Variants in SLCO1B3 observed in about 807,000 individuals in gnomAD.
SLCO1B3 encodes liver-specific organic anion transporter 2.
In SLCO1B3, 72 loss-of-function variants were observed where a neutral mutation model predicts 71.8. The ratio of observed to expected loss-of-function variants is 1.00; its 90% CI spans 0.83 to 1.22. The LOEUF is 1.22. Among genes scored for constraint, SLCO1B3 ranks in the 50% most tolerant of loss-of-function variants. SLCO1B3 has a pLI of 0.00. For synonymous variants in SLCO1B3, 298 were observed against 278.4 expected (o/e 1.07, Z -0.70); for missense variants, 911 against 819.7 (o/e 1.11, Z -1.36).
intron 12 of SLCO1B3, among the ~76,000 whole-genome samples, chr12:20,882,317 C>T (rs2121311425): frequency 6.6e-6 from 1 of 152,178 alleles, no homozygotes; most frequent in Middle Eastern, 3.4e-3. Context: ...TGTGCTTGCT[C>T]CATAAAAGAT....
At chr12:20,879,111 G>A (rs929630810) in intron 10 of SLCO1B3, among the ~76,000 whole-genome samples, 31 of 151,622 alleles carry the variant, frequency 2.0e-4, no homozygotes, top group Admixed American at 5.9e-4. Flanking sequence ...TTGTGAGGAA[G>A]CCAAGCCCTC....
Position 20,855,119 on chromosome 12 carries a change from T to C in SLCO1B3, c.176T>C (p.Phe59Ser), listed in dbSNP as rs778668812. The change falls in exon 4 of 16, where the codon TTT becomes TCT. Residue 59 changes from phenylalanine (F) to serine (S), a missense_variant. Phe to Ser is a radical substitution (Grantham distance 155). Coordinates refer to ENST00000381545, the MANE Select transcript of SLCO1B3 (RefSeq NM_019844.4). ...KISITQIERR[F>S]DISSSLAGLI... Reference sequence around the variant, plus strand: ...TCCATCACTCAAATAGAAAGGAGATTTGACATATCCTCTTCTCTTGCTGGT... The same window carrying C: ...TCCATCACTCAAATAGAAAGGAGATCTGACATATCCTCTTCTCTTGCTGGT... The C allele has an allele frequency of 2.6e-5, 42 of 1,611,806 alleles. No individual in the cohort carries two copies. The highest frequency in any genetic ancestry group is 4.0e-5 in the African/African-American group (3 of 74,864).
intron 3 of SLCO1B3, among the ~76,000 whole-genome samples, chr12:20,832,943 C>CA (rs1414574351): frequency 1.7e-5 from 2 of 115,468 alleles, no homozygotes; most frequent in South Asian, 3.8e-4. Flanking sequence ...ATAAAACAAA[C>CA]AAAAAAAATT....
At chr12:20,864,573 C>A (rs535638809) in intron 8 of SLCO1B3, among the ~76,000 whole-genome samples, 1 of 152,194 alleles carries the variant, frequency 6.6e-6, no homozygotes, top group African/African-American at 2.4e-5. Flanking sequence ...TGTAGCTACA[C>A]GTTATGTACA....
At chr12:20,910,093 T>C (rs1219030413) in intron 15 of SLCO1B3, among the ~76,000 whole-genome samples, 1 of 152,238 alleles carries the variant, frequency 6.6e-6, no homozygotes, top group Non-Finnish European at 1.5e-5. Context: ...AGGAGTTTTA[T>C]AGTTTTGCAT....
At chr12:20,849,275 C>A (rs1306947494) in intron 3 of SLCO1B3, among the ~76,000 whole-genome samples, 1 of 151,818 alleles carries the variant, frequency 6.6e-6, no homozygotes, top group Admixed American at 6.6e-5. Flanking sequence ...ACATGAAACT[C>A]AAAGGAATGC....
rs769780056 is a variant in SLCO1B3 at position 20,875,420 on chromosome 12, A to C, written c.913A>C (p.Arg305=). 2.1e-5 allele frequency: 33 copies of C among 1,608,034 alleles called. No individual in the cohort carries two copies. The South Asian group carries it at 3.7e-4, about 18-fold the overall frequency. ...SLHVLKTNDD[R]NQTANLTNQG... Reference sequence around the variant, plus strand: ...GCATGTGCTGAAAACAAATGATGATAGAAATCAAACAGCTAATTTGACCAA... The same window carrying C: ...GCATGTGCTGAAAACAAATGATGATCGAAATCAAACAGCTAATTTGACCAA... Residue 305 remains arginine, a synonymous_variant, in exon 9 of 16, where the codon AGA becomes CGA. Coordinates refer to ENST00000381545, the MANE Select transcript of SLCO1B3 (RefSeq NM_019844.4).
In SLCO1B3 at chr12:20,812,169, A is replaced by G. The variant is rs551058026; in HGVS notation, c.-180-1355A>G. 5.1e-4 allele frequency among the ~76,000 whole-genome samples: 78 copies of G among 152,190 alleles called. 2 individuals carry two copies. The South Asian group carries it at 0.016, about 31-fold the overall frequency. Reference sequence around the variant, plus strand: ...TGATCTGCCCGCCTCGGCCTCCCAAAGTGCTGGGATTACAGGCATGAGTCA... The same window carrying G: ...TGATCTGCCCGCCTCGGCCTCCCAAGGTGCTGGGATTACAGGCATGAGTCA... On this transcript the variant is annotated intron_variant, in intron 1 of 15. Transcript: ENST00000381545.
chr12:20,843,486 A>T (rs1172297742), intron 3 of SLCO1B3, among the ~76,000 whole-genome samples: 1 of 152,154 alleles, frequency 6.6e-6, no homozygotes, highest in Non-Finnish European at 1.5e-5. Context: ...TTACCTCAAT[A>T]CTTCAAAAGT....
intron 14 of SLCO1B3, 117 bp from the exon 15 acceptor site, chr12:20,901,233 G>A (rs967185077): frequency 1.4e-5 from 10 of 704,618 alleles, no homozygotes; most frequent in Non-Finnish European, 2.2e-5. Flanking sequence ...CAAACCAATG[G>A]AATAATTTTC....
At chr12:20,901,537 T>A in intron 15 of SLCO1B3, 70 bp downstream of exon 15, 1 of 758,080 alleles carries the variant, frequency 1.3e-6, no homozygotes, top group South Asian at 1.9e-5. Flanking sequence ...AGATATAGCA[T>A]TTTTAGTGTG....
At position 20,862,848 on chromosome 12, in the gene SLCO1B3, G is replaced by C. The variant is rs781710106; in HGVS notation, c.721G>C (p.Asp241His). The C allele has an allele frequency of 6.4e-6, 10 of 1,562,474 alleles. No individual in the cohort carries two copies. The highest frequency in any genetic ancestry group is 8.8e-6 in the Non-Finnish European group (10 of 1,133,432). ...AKMYVDIGYV[D>H]LSTIRITPKD... Reference sequence around the variant, plus strand: ...AATGTACGTGGATATTGGATATGTAGATCTGAGTAAGTACAATTAGAACAA... The same window carrying C: ...AATGTACGTGGATATTGGATATGTACATCTGAGTAAGTACAATTAGAACAA... Residue 241 changes from aspartate to histidine, a missense_variant, in exon 8 of 16, where the codon GAT (aspartate) becomes CAT (histidine). By Grantham distance (81) the Asp-to-His change is moderately conservative (BLOSUM62 -1). Coordinates refer to ENST00000381545, the MANE Select transcript of SLCO1B3 (RefSeq NM_019844.4).
intron 3 of SLCO1B3, chr12:20,845,229 G>A (rs886577831): frequency 1.3e-5 from 6 of 453,804 alleles, no homozygotes; most frequent in South Asian, 7.0e-5. Context: ...AGATGGTCTT[G>A]TATGATTCTA....
chr12:20,841,513 A>ATTG lies in SLCO1B3; in HGVS notation c.85-13515_85-13514insTTG, dbSNP rs1565585101. On this transcript the variant is annotated intron_variant, in intron 3 of 15. Coordinates refer to ENST00000381545, the MANE Select transcript of SLCO1B3 (RefSeq NM_019844.4). ...TTCTACCATTGCCTGCCATAATTGC[A>ATTG]CTGTGGCAGATATTGTCTGTACGAT... Among the ~76,000 whole-genome samples, 54 of 69,734 alleles carry ATTG rather than the reference A, an allele frequency of 7.7e-4. No individual in the cohort carries two copies. In the Admixed American group the frequency reaches 9.8e-3, roughly 13 times the overall value. 45.7% of individuals were successfully genotyped at this position (69,734 alleles called of 152,430 possible). A position where few individuals can be genotyped will look rare whatever the true frequency, so the allele number is the denominator to read the frequency against.
At chr12:20,814,034 A>T (rs982931133) in intron 2 of SLCO1B3, among the ~76,000 whole-genome samples, 10 of 152,194 alleles carry the variant, frequency 6.6e-5, no homozygotes, top group African/African-American at 2.4e-4. Context: ...CTATATGAGC[A>T]GCTACATAGC....
chr12:20,819,863 G>A (rs1351972517), intron 3 of SLCO1B3, among the ~76,000 whole-genome samples: 5 of 152,060 alleles, frequency 3.3e-5, no homozygotes. Context: ...GGTTAAGGTG[G>A]GGGAATACAA....
chr12:20,819,303 G>T (rs1864249593), intron 3 of SLCO1B3, among the ~76,000 whole-genome samples: 1 of 152,200 alleles, frequency 6.6e-6, no homozygotes, highest in African/African-American at 2.4e-5. Flanking sequence ...GTTTTTACGA[G>T]AATTATGCCG....
intron 13 of SLCO1B3, among the ~76,000 whole-genome samples, chr12:20,885,250 T>C (rs577222692): frequency 1.3e-5 from 2 of 152,280 alleles, no homozygotes; most frequent in South Asian, 2.1e-4. Flanking sequence ...AACTTCATTT[T>C]ATTAATGATT....
At chr12:20,892,537 C>T (rs1218157670) in intron 13 of SLCO1B3, among the ~76,000 whole-genome samples, 1 of 152,004 alleles carries the variant, frequency 6.6e-6, no homozygotes, top group Non-Finnish European at 1.5e-5. Flanking sequence ...AAGAGTTTAA[C>T]CAGGACACAG....
Sources: gnomAD v4.1 joint callset for allele counts (sites outside exome capture counted in the v4.1 genomes callset) on GRCh38, gnomAD v4.1.1 for gene constraint, MANE v1.5 for transcripts, NCBI Gene and HGNC (gene_info 2026-07-23, HGNC 2026-07-21) for gene names.